Variants in LTBP1 observed in about 807,000 individuals in gnomAD.
The protein encoded by LTBP1 is latent transforming growth factor beta binding protein 1.
Under a neutral mutation model 207.6 loss-of-function variants are expected in LTBP1, and 129 were observed. The observed-to-expected ratio is 0.62, with a 90% CI of 0.54 to 0.72. LTBP1 has a LOEUF of 0.72. Ranked by LOEUF, LTBP1 falls within the 30% of genes least tolerant of loss-of-function variation. LTBP1 has a pLI of 0.00. For synonymous variants in LTBP1, 963 were observed against 833.7 expected (o/e 1.16, Z -2.67); for missense variants, 2,281 against 2,217.2 (o/e 1.03, Z -0.58).
At chr2:32,997,601 G>C (rs1227984886) in intron 2 of LTBP1, among the ~76,000 whole-genome samples, 1 of 152,188 alleles carries the variant, frequency 6.6e-6, no homozygotes, top group East Asian at 1.9e-4. Context: ...AAATGCTCTT[G>C]GGATGGTGGG....
chr2:33,114,429 C>G (rs1366839533), intron 4 of LTBP1, among the ~76,000 whole-genome samples: 2 of 152,140 alleles, frequency 1.3e-5, no homozygotes, highest in African/African-American at 4.8e-5. Context: ...AATTCTTGAT[C>G]TAGAGACTCA....
At chr2:32,981,105 A>G (rs925662822) in intron 2 of LTBP1, among the ~76,000 whole-genome samples, 2 of 152,064 alleles carry the variant, frequency 1.3e-5, no homozygotes, top group Non-Finnish European at 2.9e-5. Flanking sequence ...GTACTTGAAT[A>G]TGGATATTTT....
intron 2 of LTBP1, among the ~76,000 whole-genome samples, chr2:32,954,854 G>C (rs1346993236): frequency 1.3e-5 from 2 of 152,172 alleles, no homozygotes; most frequent in African/African-American, 4.8e-5. Context: ...GATCTAATTT[G>C]GTTACTTTTC....
intron 10 of LTBP1, among the ~76,000 whole-genome samples, chr2:33,245,442 A>G (rs1239899268): frequency 6.6e-6 from 1 of 152,224 alleles, no homozygotes; most frequent in Non-Finnish European, 1.5e-5. Flanking sequence ...GTTATCACTA[A>G]TTACTACTCT....
At chr2:33,268,727 G>A (rs530640184) in intron 15 of LTBP1, among the ~76,000 whole-genome samples, 7 of 152,206 alleles carry the variant, frequency 4.6e-5, no homozygotes, top group Non-Finnish European at 1.0e-4. Flanking sequence ...TGTTTCAATT[G>A]TTGTGGGACA....
At chr2:33,161,592 C>G (rs896450325) in intron 5 of LTBP1, among the ~76,000 whole-genome samples, 6 of 152,162 alleles carry the variant, frequency 3.9e-5, no homozygotes, top group Admixed American at 2.6e-4. Context: ...AGAGACTTTG[C>G]TGTTCTTACC....
rs999239045 is a variant in LTBP1, at chr2:33,175,898, C to T, written c.1202-10958C>T. On this transcript the variant is annotated intron_variant, in intron 5 of 33. Transcript: ENST00000404816. Reference sequence around the variant, plus strand: ...GAAATCATCATTCTCAGTAAACGATCGCAAGAACAGAAAACCAGACACCGC... The same window carrying T: ...GAAATCATCATTCTCAGTAAACGATTGCAAGAACAGAAAACCAGACACCGC... Among the ~76,000 whole-genome samples, 24 of 125,408 alleles carry T rather than the reference C, an allele frequency of 1.9e-4. 2 individuals carry two copies. The highest frequency in any genetic ancestry group is 4.5e-4 in the East Asian group (2 of 4,458). The allele number at this position is 125,408 out of a possible 152,430, so 82.3% of individuals were successfully genotyped here.
At chr2:33,348,327 A>G (rs2094731955) in intron 26 of LTBP1, among the ~76,000 whole-genome samples, 1 of 152,244 alleles carries the variant, frequency 6.6e-6, no homozygotes, top group African/African-American at 2.4e-5. Flanking sequence ...GAAATGAAAT[A>G]TGAAAATATT....
At chr2:33,263,530 T>C in intron 15 of LTBP1, 138 bp downstream of exon 15, 1 of 586,818 alleles carries the variant, frequency 1.7e-6, no homozygotes, top group Non-Finnish European at 3.0e-6. Context: ...ATCATCTAAA[T>C]ACAGTTAAAA....
intron 7 of LTBP1, among the ~76,000 whole-genome samples, chr2:33,194,996 CAT>C (rs1411288302): frequency 6.6e-6 from 1 of 152,196 alleles, no homozygotes; most frequent in East Asian, 1.9e-4. Context: ...GATGACGGCA[CAT>C]GTGTTTGCAG....
chr2:33,171,298 C>T (rs1364893935), intron 5 of LTBP1, among the ~76,000 whole-genome samples: 95 of 135,352 alleles, frequency 7.0e-4, no homozygotes, highest in African/African-American at 1.4e-3. Context: ...ATAACCAATA[C>T]AGAGAAGTGC....
At chr2:33,045,107 C>T (rs1380228931) in intron 3 of LTBP1, among the ~76,000 whole-genome samples, 1 of 152,128 alleles carries the variant, frequency 6.6e-6, no homozygotes. Flanking sequence ...TGCAGAAGCT[C>T]TTTAGTTTAA....
chr2:33,088,003 T>C (rs1433063123), intron 3 of LTBP1, among the ~76,000 whole-genome samples: 2 of 152,216 alleles, frequency 1.3e-5, no homozygotes, highest in African/African-American at 4.8e-5. Flanking sequence ...AAAAATTTGG[T>C]GCTGAAATAG....
rs116733514 is a variant in LTBP1, at chr2:33,111,686, A to G, written c.1033+935A>G. ...TAAAGTGATTGACTCTTCCCTCAGA[A>G]TTGGTCATTTAACAAAAAGAGTATC... On this transcript the variant is annotated intron_variant, in intron 4 of 33. Coordinates refer to ENST00000404816, the MANE Select transcript of LTBP1 (RefSeq NM_206943.4). Among the ~76,000 whole-genome samples the G allele has an allele frequency of 3.4e-3, 519 of 152,264 alleles. 1 individual carries two copies. Among genetic ancestry groups the G allele is most frequent in the Non-Finnish European group, 5.6e-3 (383 of 68,012 alleles).
intron 31 of LTBP1, among the ~76,000 whole-genome samples, chr2:33,368,828 GATCGCACCACTGCACTCC>G (rs1427853885): frequency 6.6e-6 from 1 of 152,188 alleles, no homozygotes; most frequent in Non-Finnish European, 1.5e-5. Flanking sequence ...AGTGGGCCAA[GATCGCACCACTGCACTCC>G]ATCCTGGGCA....
rs977478239 is a variant in LTBP1, at chr2:33,312,025, C to T, written c.3604+2469C>T. ...TGTGAATCTGTTTTATCACCCACCACCTCCTGTTAGAAGCTGTATATGATG... is the reference window on the plus strand; with the variant it reads ...TGTGAATCTGTTTTATCACCCACCATCTCCTGTTAGAAGCTGTATATGATG... On this transcript the variant is annotated intron_variant, in intron 23 of 33. Coordinates refer to ENST00000404816, the MANE Select transcript of LTBP1 (RefSeq NM_206943.4). Among the ~76,000 whole-genome samples, 8 of 152,192 alleles carry T rather than the reference C, an allele frequency of 5.3e-5. No homozygotes were observed. The South Asian group carries it at 1.7e-3, about 32-fold the overall frequency.
At chr2:33,253,552 T>C (rs1278604143) in intron 11 of LTBP1, among the ~76,000 whole-genome samples, 4 of 152,166 alleles carry the variant, frequency 2.6e-5, no homozygotes, top group Non-Finnish European at 5.9e-5. Context: ...AGACCTGATA[T>C]TAACAAGGAA....
chr2:33,354,329 TAGGAAAAAAATATTAAAGAAAGTA>T, intron 26 of LTBP1, among the ~76,000 whole-genome samples: 1 of 152,108 alleles, frequency 6.6e-6, no homozygotes, highest in South Asian at 2.1e-4. Context: ...AGACTTTTGG[TAGGAAAAAAATATTAAAGAAAGTA>T]AGACCACAGT....
chr2:32,972,817 A>G (rs1031938382), intron 2 of LTBP1, among the ~76,000 whole-genome samples: 2 of 152,134 alleles, frequency 1.3e-5, no homozygotes, highest in South Asian at 4.1e-4. Flanking sequence ...ACTTTCTGTC[A>G]TAATTGTAAG....
Sources: allele counts gnomAD v4.1 joint callset (sites outside exome capture counted in the v4.1 genomes callset), GRCh38; gene constraint gnomAD v4.1.1; transcripts MANE v1.5; gene names NCBI Gene and HGNC (gene_info 2026-07-23, HGNC 2026-07-21).